The following RIN2 variants were observed in gnomAD, a reference collection of about 807,000 sequenced individuals.
The protein encoded by RIN2 is RAB5 interacting protein 2.
In RIN2, 36 loss-of-function variants were observed where a neutral mutation model predicts 78.0. The ratio of observed to expected loss-of-function variants is 0.46; its 90% CI spans 0.35 to 0.61. RIN2 has a LOEUF of 0.61. RIN2 is among the 20% of genes least tolerant of loss of function. The pLI, the probability that RIN2 is intolerant of heterozygous loss-of-function variation, is 0.00. For missense variants in RIN2, 1,087 were observed against 1,159.7 expected (o/e 0.94, Z 0.91); for synonymous variants, 466 against 466.8 (o/e 1.00, Z 0.02).
intron 1 of RIN2, among the ~76,000 whole-genome samples, chr20:19,785,571 T>C (rs752426246): frequency 5.3e-5 from 8 of 152,160 alleles, no homozygotes; most frequent in Non-Finnish European, 7.3e-5. Flanking sequence ...AGGCCTATGT[T>C]TTCTAAACCC....
intron 6 of RIN2, among the ~76,000 whole-genome samples, chr20:19,962,020 G>C (rs2041768773): frequency 6.6e-6 from 1 of 152,094 alleles, no homozygotes; most frequent in African/African-American, 2.4e-5. Flanking sequence ...TCTGCGAGAG[G>C]CTGGGCACCA....
At chr20:19,885,843 A>T (rs567106053) in intron 2 of RIN2, among the ~76,000 whole-genome samples, 25 of 152,340 alleles carry the variant, frequency 1.6e-4, no homozygotes, top group African/African-American at 6.0e-4. Context: ...ATATATCAAG[A>T]TGTCATGTTG....
rs556298289 is a variant in RIN2, at chr20:19,876,588, G to A, written c.-36-12978G>A. 2.0e-5 allele frequency among the ~76,000 whole-genome samples: 3 copies of A among 152,236 alleles called. No individual in the cohort carries two copies. In the South Asian group the frequency reaches 6.2e-4, roughly 32 times the overall value. ...AGACAGGCGAAATGGGGATATGTGA[G>A]TAAAAGCCCTTTATAAATCAAAATA... On this transcript the variant is annotated intron_variant, in intron 2 of 12. Transcript: ENST00000255006.
At chr20:19,958,463 C>A (rs974399385) in intron 5 of RIN2, among the ~76,000 whole-genome samples, 8 of 152,266 alleles carry the variant, frequency 5.3e-5, no homozygotes, top group Non-Finnish European at 1.0e-4. Context: ...ACAAGCCAGG[C>A]ATGTTCTCTC....
chr20:19,876,987 C>CT lies in RIN2; in HGVS notation c.-36-12579_-36-12578insT, dbSNP rs1395889460. On this transcript the variant is annotated intron_variant, in intron 2 of 12. Transcript: ENST00000255006. ...GCATTCATTCTTTTACAGCCAGACC[C>CT]ACCCATTTGGATTAGGCCAGTCAGG... 2.6e-5 allele frequency among the ~76,000 whole-genome samples: 4 copies of CT among 152,120 alleles called. 1 individual carries two copies. The highest frequency in any genetic ancestry group is 9.7e-5 in the African/African-American group (4 of 41,418).
intron 1 of RIN2, among the ~76,000 whole-genome samples, chr20:19,759,896 A>C (rs917389126): frequency 9.9e-5 from 15 of 152,106 alleles, no homozygotes; most frequent in African/African-American, 3.4e-4. Flanking sequence ...GTTCAATGGG[A>C]ACAGTCATAT....
At chr20:19,855,405 T>C (rs1298990636) in intron 2 of RIN2, among the ~76,000 whole-genome samples, 1 of 152,212 alleles carries the variant, frequency 6.6e-6, no homozygotes, top group Non-Finnish European at 1.5e-5. Context: ...TAAAATGAAT[T>C]AGGGAGGATT....
At chr20:19,788,738 C>T (rs1250209852) in intron 1 of RIN2, among the ~76,000 whole-genome samples, 8 of 151,898 alleles carry the variant, frequency 5.3e-5, no homozygotes, top group African/African-American at 1.7e-4. Context: ...GAACACCACA[C>T]TAAAACTACA....
At chr20:19,991,307 T>C (rs1015392551) in intron 10 of RIN2, among the ~76,000 whole-genome samples, 6 of 152,194 alleles carry the variant, frequency 3.9e-5, no homozygotes, top group African/African-American at 1.4e-4. Flanking sequence ...TTCACAGTTA[T>C]TTATAAAAAT....
intron 3 of RIN2, among the ~76,000 whole-genome samples, chr20:19,932,584 C>T (rs528020575): frequency 2.1e-4 from 32 of 152,242 alleles, no homozygotes; most frequent in African/African-American, 5.5e-4. Context: ...TCACAGGCAC[C>T]GAGGGGATGG....
chr20:19,760,144 ATGCACTCCCG>A (rs1214018898), intron 1 of RIN2, among the ~76,000 whole-genome samples: 1 of 152,210 alleles, frequency 6.6e-6, no homozygotes, highest in African/African-American at 2.4e-5. Context: ...TGGAATACTC[ATGCACTCCCG>A]TGCTTTGGCA....
chr20:19,960,599 A>G, intron 5 of RIN2, 101 bp from the exon 6 acceptor site: 1 of 866,030 alleles, frequency 1.2e-6, no homozygotes, highest in Admixed American at 2.0e-5. Flanking sequence ...TGCAGTGTGG[A>G]TATGAAGGGA....
chr20:19,778,319 G>A (rs1455602274), intron 1 of RIN2, among the ~76,000 whole-genome samples: 1 of 152,218 alleles, frequency 6.6e-6, no homozygotes, highest in Non-Finnish European at 1.5e-5. Context: ...TACAGAAGGA[G>A]ACACTAAATC....
intron 8 of RIN2, among the ~76,000 whole-genome samples, chr20:19,973,681 C>T (rs1420220835): frequency 1.3e-5 from 2 of 151,844 alleles, no homozygotes; most frequent in South Asian, 2.1e-4. Context: ...CCCAGCTACT[C>T]GGGAGGCTGA....
intron 2 of RIN2, among the ~76,000 whole-genome samples, chr20:19,881,085 G>A (rs755931759): frequency 2.6e-5 from 4 of 152,176 alleles, no homozygotes; most frequent in Non-Finnish European, 5.9e-5. Context: ...TATTACTTAA[G>A]TGTATGAAGA....
At chr20:19,870,934 A>G (rs1344476983) in intron 2 of RIN2, among the ~76,000 whole-genome samples, 1 of 152,170 alleles carries the variant, frequency 6.6e-6, no homozygotes, top group Non-Finnish European at 1.5e-5. Context: ...TAATTTCTCC[A>G]CTGTGTAGTT....
intron 3 of RIN2, among the ~76,000 whole-genome samples, chr20:19,914,394 T>A (rs2039599200): frequency 6.6e-6 from 1 of 152,224 alleles, no homozygotes; most frequent in African/African-American, 2.4e-5. Context: ...ACGCTCTGCA[T>A]TGTTCTGTGG....
chr20:19,805,323 G>A (rs1013077604), intron 2 of RIN2, among the ~76,000 whole-genome samples: 12 of 152,192 alleles, frequency 7.9e-5, no homozygotes, highest in Non-Finnish European at 1.5e-4. Flanking sequence ...CCATCACTGC[G>A]ACAGACTGTG....
intron 3 of RIN2, among the ~76,000 whole-genome samples, chr20:19,901,396 C>T (rs1477158582): frequency 6.6e-6 from 1 of 150,972 alleles, no homozygotes. Flanking sequence ...GTGACTCAGC[C>T]GAACAGAACC....
Sources: allele counts gnomAD v4.1 joint callset (sites outside exome capture counted in the v4.1 genomes callset), GRCh38; gene constraint gnomAD v4.1.1; transcripts MANE v1.5; gene names NCBI Gene and HGNC (gene_info 2026-07-23, HGNC 2026-07-21).